Variants in ZFC3H1 observed in about 807,000 individuals in gnomAD.
ZFC3H1 encodes zinc finger C3H1-type containing, also known as zinc finger C3H1 domain-containing protein.
In ZFC3H1, 71 loss-of-function variants were observed where a neutral mutation model predicts 243.7. The ratio of observed to expected loss-of-function variants is 0.29; its 90% CI spans 0.24 to 0.36. ZFC3H1 has a LOEUF of 0.36. Ranked by LOEUF, ZFC3H1 falls within the 10% of genes least tolerant of loss-of-function variation. ZFC3H1 has a pLI of 1.00. For synonymous variants in ZFC3H1, 838 were observed against 813.0 expected, an observed-to-expected ratio of 1.03 and a Z score of -0.52; for missense variants, 1,966 against 2,317.1, an observed-to-expected ratio of 0.85 and a Z score of 3.11.
Position 71,611,114 on chromosome 12 carries a change from A to AG in ZFC3H1, c.5730-18_5730-17insC, listed in dbSNP as rs1336086344. On this transcript the variant is annotated splice_polypyrimidine_tract_variant and intron_variant, in intron 32 of 34. Coordinates refer to ENST00000378743, the MANE Select transcript of ZFC3H1 (RefSeq NM_144982.5). ...GCAATGGCTCTAAGAGAAAAAAAAA[A>AG]AAAAAGAAATATAGAAAAAGGAAAA... The AG allele has an allele frequency of 2.6e-6, 4 of 1,540,934 alleles. No individual in the cohort carries two copies. The highest frequency in any genetic ancestry group is 3.5e-6 in the Non-Finnish European group (4 of 1,151,000).
intron 16 of ZFC3H1, 134 bp downstream of exon 16, chr12:71,631,644 C>T: frequency 1.4e-6 from 1 of 734,856 alleles, no homozygotes; most frequent in Non-Finnish European, 2.1e-6. Flanking sequence ...TTTTTATGTT[C>T]CTTAAAAGGG....
intron 2 of ZFC3H1, among the ~76,000 whole-genome samples, chr12:71,654,093 C>T (rs1048782685): frequency 2.0e-5 from 3 of 151,892 alleles, no homozygotes; most frequent in South Asian, 2.1e-4. Context: ...AAAGAGTAAA[C>T]GGAAATCGTT....
intron 6 of ZFC3H1, among the ~76,000 whole-genome samples, chr12:71,640,216 T>C (rs1024656576): frequency 2.0e-5 from 3 of 152,180 alleles, no homozygotes. Context: ...GAGGCGAGGT[T>C]TCACCATGTT....
intron 6 of ZFC3H1, chr12:71,639,560 G>T: frequency 6.2e-6 from 1 of 160,092 alleles, no homozygotes; most frequent in Non-Finnish European, 1.4e-5. Context: ...CCTAGTGAGT[G>T]CAGTGATCTC....
chr12:71,611,673 A>AT (rs1174000249), intron 32 of ZFC3H1, 113 bp downstream of exon 32: 518 of 178,152 alleles, frequency 2.9e-3, no homozygotes, highest in African/African-American at 0.011. Flanking sequence ...AAAAAAAAAA[A>AT]AAAATATATA....
At position 71,663,817 on chromosome 12, in the gene ZFC3H1, G is replaced by C; in HGVS notation, c.-207C>G. On this transcript the variant is annotated 5_prime_UTR_variant, in exon 1 of 35. Transcript: ENST00000378743. Reference sequence around the variant, plus strand: ...CGTCGCAACCCAGTTCCCTTTCCTAGCGCCCCCTTGCTCCTCAGCGATCGG... The same window carrying C: ...CGTCGCAACCCAGTTCCCTTTCCTACCGCCCCCTTGCTCCTCAGCGATCGG... 1.7e-6 allele frequency: 1 copy of C among 601,370 alleles called. No individual in the cohort carries two copies. Among genetic ancestry groups the C allele is most frequent in the Non-Finnish European group, 2.9e-6 (1 of 344,912 alleles). The allele number at this position is 601,370 out of a possible 1,614,324, so 37.3% of individuals were successfully genotyped here.
Position 71,634,792 on chromosome 12 carries a change from C to A in ZFC3H1, c.2272G>T (p.Glu758Ter). The A allele has an allele frequency of 6.3e-7, 1 of 1,598,862 alleles. No individual in the cohort carries two copies. The highest frequency in any genetic ancestry group is 8.5e-7 in the Non-Finnish European group (1 of 1,174,478). The change falls in exon 11 of 35, where the codon GAA (glutamate) becomes TAA (stop). Residue 758 changes from glutamate to a stop codon, truncating the protein, a stop_gained. Transcript: ENST00000378743. LOFTEE classifies it high-confidence loss of function. The part of the protein sequence containing the change: ...ASKPKVPPKS[E>*]KENDPLRTPE... ...GTTCGCAGAGGATCATTTTCTTTTT[C>A]AGATTTTGGAGGTACTTTCGGTTTT...
intron 31 of ZFC3H1, among the ~76,000 whole-genome samples, chr12:71,612,091 G>A (rs528028723): frequency 6.6e-6 from 1 of 152,056 alleles, no homozygotes; most frequent in Non-Finnish European, 1.5e-5. Context: ...CAAGATCTAT[G>A]CTCATCTTAC....
rs377165628 is a variant in ZFC3H1, at chr12:71,626,437, T to C, written c.4140A>G (p.Ser1380=). ...KYLNQNEGEC[S]ESLDSALNVL... ...CATTTAAAGCAGAATCCAAGGATTCTGAGCACTCCCTGTATATATAAAAGA... is the reference window on the plus strand; with the variant it reads ...CATTTAAAGCAGAATCCAAGGATTCCGAGCACTCCCTGTATATATAAAAGA... The change falls in exon 22 of 35, where the codon TCA becomes TCG. Residue 1380 remains serine (S), a synonymous_variant. Transcript: ENST00000378743. The C allele has an allele frequency of 1.9e-6, 3 of 1,613,520 alleles. No homozygotes were observed. Among genetic ancestry groups the C allele is most frequent in the Non-Finnish European group, 2.5e-6 (3 of 1,179,848 alleles).
chr12:71,612,006 C>G, intron 31 of ZFC3H1, 119 bp from the exon 32 acceptor site: 1 of 546,322 alleles, frequency 1.8e-6, no homozygotes, highest in Non-Finnish European at 3.2e-6. Flanking sequence ...TCAAGACTAC[C>G]CAGCAAATAT....
intron 1 of ZFC3H1, chr12:71,660,251 TTGAA>T (rs1881130899): frequency 6.6e-6 from 1 of 152,172 alleles, no homozygotes; most frequent in African/African-American, 2.4e-5. Flanking sequence ...TTAAATAAAT[TTGAA>T]TGAAGTGTTG....
rs936378757 is a variant in ZFC3H1 at position 71,613,009 on chromosome 12, T to A, written c.5627+326A>T. On this transcript the variant is annotated intron_variant, in intron 31 of 34. Transcript: ENST00000378743. ...AAATATGAAAACATCTTAAATAATA[T>A]TCCCTTGCCGTGGAAAACAAGCTTA... Among the ~76,000 whole-genome samples the A allele has an allele frequency of 2.0e-5, 3 of 152,184 alleles. No homozygotes were observed. In the East Asian group the frequency reaches 5.8e-4, roughly 29 times the overall value.
Position 71,615,248 on chromosome 12 carries a change from T to G in ZFC3H1, c.5213A>C (p.Asp1738Ala), listed in dbSNP as rs201414926. ...ATAAGGAACTTGGTGGTTAAACATA[T>G]CATCATCAAAATTCCCTTTACATAA... ...SRLCKGNFDDDMFNHQVPYLW... is the reference protein window; with the variant it reads ...SRLCKGNFDDAMFNHQVPYLW... The change falls in exon 28 of 35, where the codon GAT becomes GCT. Residue 1738 changes from aspartate (D) to alanine (A), a missense_variant. Physicochemically the swap from Asp to Ala is moderately radical, Grantham distance 126. Transcript: ENST00000378743. 1.9e-6 allele frequency: 3 copies of G among 1,613,562 alleles called. No individual in the cohort carries two copies. The highest frequency in any genetic ancestry group is 1.7e-5 in the Admixed American group (1 of 59,968).
chr12:71,619,654 AATTAT>A (rs1280585164), intron 26 of ZFC3H1, among the ~76,000 whole-genome samples: 1 of 152,190 alleles, frequency 6.6e-6, no homozygotes, highest in African/African-American at 2.4e-5. Context: ...TTCATCCACC[AATTAT>A]GTATTAGCCA....
At chr12:71,633,476 C>G in intron 12 of ZFC3H1, 38 bp from the exon 13 acceptor site, 4 of 1,480,526 alleles carry the variant, frequency 2.7e-6, no homozygotes, top group Non-Finnish European at 3.6e-6. Flanking sequence ...TAATGTTTCC[C>G]TACAAGAGCA....
intron 23 of ZFC3H1, 124 bp from the exon 24 acceptor site, chr12:71,623,721 T>C: frequency 1.4e-6 from 1 of 710,998 alleles, no homozygotes. Flanking sequence ...ACATTTTAAG[T>C]GTCCTGATAC....
At position 71,663,681 on chromosome 12, in the gene ZFC3H1, C is replaced by T; in HGVS notation, c.-71G>A. On this transcript the variant is annotated 5_prime_UTR_variant, in exon 1 of 35. Transcript: ENST00000378743. ...ATCCGCCCGACAATTGCCTCGTTTCCCTTCTTTCCTAACGGACTGGGTCGG... is the reference window on the plus strand; with the variant it reads ...ATCCGCCCGACAATTGCCTCGTTTCTCTTCTTTCCTAACGGACTGGGTCGG... 8 of 1,529,094 alleles carry T rather than the reference C, an allele frequency of 5.2e-6. No homozygotes were observed. In the South Asian group the frequency reaches 6.1e-5, roughly 12 times the overall value. The allele number at this position is 1,529,094 out of a possible 1,614,324, so 94.7% of individuals were successfully genotyped here. A position where few individuals can be genotyped will look rare whatever the true frequency, so the allele number is the denominator to read the frequency against.
Position 71,610,690 on chromosome 12 carries a change from A to G in ZFC3H1, c.5832+5T>C. ...CGAGATAAAATAAAAGATAAAAAGC[A>G]TTACATCTTTCCACAGTGATGCACA... On this transcript the variant is annotated splice_donor_5th_base_variant and intron_variant, in intron 34 of 34. Transcript: ENST00000378743. The G allele has an allele frequency of 1.2e-6, 2 of 1,613,148 alleles. No individual in the cohort carries two copies. Among genetic ancestry groups the G allele is most frequent in the Non-Finnish European group, 1.7e-6 (2 of 1,179,520 alleles).
chr12:71,654,900 T>C (rs1441001381), intron 2 of ZFC3H1, among the ~76,000 whole-genome samples: 2 of 152,158 alleles, frequency 1.3e-5, no homozygotes, highest in Non-Finnish European at 1.5e-5. Flanking sequence ...GCTATTAATA[T>C]AAGACAAAAT....
Sources: allele counts gnomAD v4.1 joint callset (sites outside exome capture counted in the v4.1 genomes callset), GRCh38; gene constraint gnomAD v4.1.1; transcripts MANE v1.5; gene names NCBI Gene and HGNC (gene_info 2026-07-23, HGNC 2026-07-21).